Variants in PUM1 observed in about 807,000 individuals in gnomAD.
PUM1 encodes the protein pumilio RNA binding family member 1, also known as pumilio homolog 1.
Under a neutral mutation model 131.8 loss-of-function variants are expected in PUM1, and 13 were observed. That is an observed-to-expected ratio of 0.10 (90% CI 0.06 to 0.16). PUM1 has a LOEUF of 0.16. PUM1 is among the 10% of genes least tolerant of loss of function. The probability of loss-of-function intolerance (pLI) is 1.00; values close to 1 mark genes in which losing one functional copy is unlikely to be tolerated. For synonymous variants in PUM1, 509 were observed against 556.5 expected (o/e 0.91, Z 1.20); for missense variants, 961 against 1,512.4 (o/e 0.64, Z 6.05).
intron 5 of PUM1, among the ~76,000 whole-genome samples, chr1:30,996,550 AAAGAT>A (rs1322426256): frequency 1.3e-5 from 2 of 152,240 alleles, no homozygotes; most frequent in African/African-American, 4.8e-5. Flanking sequence ...TGATACAGAA[AAAGAT>A]AATATAAAAA....
rs745308444 is a variant in PUM1 at position 30,995,069 on chromosome 1, TCTG to T, written c.869_871del (p.Ala290del). The T allele has an allele frequency of 8.1e-6, 13 of 1,613,820 alleles. No homozygotes were observed. The highest frequency in any genetic ancestry group is 8.5e-6 in the Non-Finnish European group (10 of 1,179,918). On this transcript the variant is annotated inframe_deletion, in exon 6 of 22. Transcript: ENST00000426105. ...ACATACAAACCTAAAATCTTTGACG[TCTG>T]CATCAATCCCATTCTGCACTGGTAA...
intron 21 of PUM1, among the ~76,000 whole-genome samples, chr1:30,936,199 G>A (rs973347853): frequency 3.3e-5 from 5 of 151,174 alleles, no homozygotes; most frequent in Admixed American, 6.6e-5. Flanking sequence ...CTGTGGGCAG[G>A]GATCAGGTGT....
At chr1:30,969,263 C>A (rs776074762) in intron 10 of PUM1, among the ~76,000 whole-genome samples, 1 of 139,928 alleles carries the variant, frequency 7.1e-6, no homozygotes, top group South Asian at 2.2e-4. Context: ...GAGATCGAGA[C>A]ACTTCGCTCC....
At chr1:30,999,534 G>C (rs1351927406) in intron 5 of PUM1, among the ~76,000 whole-genome samples, 1 of 137,668 alleles carries the variant, frequency 7.3e-6, no homozygotes, top group East Asian at 2.4e-4. Flanking sequence ...TTGAACCCTG[G>C]AGGCAGAGGT....
chr1:31,018,999 G>GC (rs1220968642), intron 3 of PUM1, among the ~76,000 whole-genome samples: 1 of 152,206 alleles, frequency 6.6e-6, no homozygotes, highest in Non-Finnish European at 1.5e-5. Context: ...AGGCTGCTGG[G>GC]CGACAGTAAG....
intron 3 of PUM1, among the ~76,000 whole-genome samples, chr1:31,010,148 A>C (rs529487631): frequency 3.3e-5 from 5 of 152,206 alleles, no homozygotes; most frequent in Admixed American, 2.6e-4. Context: ...GACTGAACCA[A>C]GGTGCTTGGG....
intron 2 of PUM1, among the ~76,000 whole-genome samples, chr1:31,057,906 G>A (rs375363038): frequency 2.6e-5 from 4 of 152,008 alleles, no homozygotes; most frequent in African/African-American, 9.7e-5. Flanking sequence ...GACACAAAAT[G>A]AACCTTTCCA....
At chr1:31,024,576 T>C (rs1643156599) in intron 3 of PUM1, among the ~76,000 whole-genome samples, 3 of 152,218 alleles carry the variant, frequency 2.0e-5, no homozygotes, top group Non-Finnish European at 4.4e-5. Context: ...AATCCATTTG[T>C]TGTAGAAATA....
intron 10 of PUM1, among the ~76,000 whole-genome samples, chr1:30,972,447 G>A (rs200298688): frequency 5.6e-5 from 1 of 17,800 alleles, no homozygotes; most frequent in Non-Finnish European, 8.8e-5. Context: ...GGGAGGGGAG[G>A]GAAGAGAAGA....
At chr1:30,956,094 G>A (rs954986172) in intron 14 of PUM1, among the ~76,000 whole-genome samples, 2 of 152,124 alleles carry the variant, frequency 1.3e-5, no homozygotes, top group African/African-American at 2.4e-5. Context: ...AGGCCCTTTC[G>A]GGGTCTGAAA....
chr1:31,005,792 AGAGAGAGAGAGAGAG>A, intron 5 of PUM1, 46 bp downstream of exon 5: 3 of 34,646 alleles, frequency 8.7e-5, no homozygotes, highest in Non-Finnish European at 1.1e-4. Flanking sequence ...GGGGAAAAAA[AGAGAGAGAGAGAGAG>A]AGAGAGAGAG....
chr1:31,023,741 C>A (rs1643118635), intron 3 of PUM1, among the ~76,000 whole-genome samples: 3 of 135,150 alleles, frequency 2.2e-5, no homozygotes, highest in Admixed American at 7.5e-5. Flanking sequence ...CCATCCTGGC[C>A]AACATGGTGA....
chr1:30,936,003 C>T (rs941124086), intron 21 of PUM1, among the ~76,000 whole-genome samples: 2 of 129,314 alleles, frequency 1.5e-5, no homozygotes, highest in Non-Finnish European at 3.3e-5. Flanking sequence ...CAGGTGACTT[C>T]TCTTTCAGTT....
At chr1:30,934,308 A>G (rs1013716031) in intron 21 of PUM1, among the ~76,000 whole-genome samples, 1 of 152,196 alleles carries the variant, frequency 6.6e-6, no homozygotes, top group South Asian at 2.1e-4. Flanking sequence ...AAAGGACCAC[A>G]GTTTATTCAT....
intron 3 of PUM1, among the ~76,000 whole-genome samples, chr1:31,021,181 T>C (rs1031982001): frequency 2.0e-5 from 3 of 152,228 alleles, no homozygotes; most frequent in Non-Finnish European, 2.9e-5. Flanking sequence ...GCTGATTTAT[T>C]GTTTGTCTTC....
chr1:31,020,140 C>T (rs1477367970), intron 3 of PUM1, among the ~76,000 whole-genome samples: 1 of 152,128 alleles, frequency 6.6e-6, no homozygotes, highest in African/African-American at 2.4e-5. Flanking sequence ...GTTTAGTTCC[C>T]ACTTACAAGT....
intron 15 of PUM1, among the ~76,000 whole-genome samples, chr1:30,952,938 T>C (rs1640008275): frequency 6.6e-6 from 1 of 151,956 alleles, no homozygotes; most frequent in Admixed American, 6.6e-5. Flanking sequence ...ATTGCGCCAC[T>C]GCACTCCAGC....
chr1:31,016,647 C>T (rs1642828839), intron 3 of PUM1, among the ~76,000 whole-genome samples: 1 of 152,048 alleles, frequency 6.6e-6, no homozygotes, highest in Non-Finnish European at 1.5e-5. Context: ...GAATCAACAT[C>T]TCCAATAATT....
intron 2 of PUM1, among the ~76,000 whole-genome samples, chr1:31,033,816 T>C (rs1344143402): frequency 6.6e-6 from 1 of 152,122 alleles, no homozygotes; most frequent in African/African-American, 2.4e-5. Context: ...CTAATTGTTT[T>C]TAATTTTTTT....
Sources: allele counts gnomAD v4.1 joint callset (sites outside exome capture counted in the v4.1 genomes callset), GRCh38; gene constraint gnomAD v4.1.1; transcripts MANE v1.5; gene names NCBI Gene and HGNC (gene_info 2026-07-23, HGNC 2026-07-21).